The following MYO7B variants were observed in gnomAD, a reference collection of about 807,000 sequenced individuals.
MYO7B encodes the protein myosin VIIB, also known as unconventional myosin-VIIb.
Under a neutral mutation model 259.7 loss-of-function variants are expected in MYO7B, and 212 were observed. The ratio of observed to expected loss-of-function variants is 0.82; its 90% CI spans 0.73 to 0.91. MYO7B has a LOEUF of 0.91. Among genes scored for constraint, MYO7B ranks in the 40% least tolerant of loss-of-function variants. The pLI is 0.00. For missense variants in MYO7B, 2,732 were observed against 2,813.5 expected, an observed-to-expected ratio of 0.97 and a Z score of 0.66; for synonymous variants, 1,197 against 1,166.4, an observed-to-expected ratio of 1.03 and a Z score of -0.54.
chr2:127,598,878 A>G (rs765145867), intron 19 of MYO7B, among the ~76,000 whole-genome samples: 1 of 152,180 alleles, frequency 6.6e-6, no homozygotes, highest in Non-Finnish European at 1.5e-5. Flanking sequence ...ATCAAAACCT[A>G]GCGGTGTGGG....
At position 127,585,990 on chromosome 2, in the gene MYO7B, A is replaced by C. The variant is rs142566709; in HGVS notation, c.1690+1077A>C. Among the ~76,000 whole-genome samples the C allele has an allele frequency of 9.2e-5, 14 of 152,248 alleles. No individual in the cohort carries two copies. The East Asian group carries it at 1.9e-3, about 21-fold the overall frequency. On this transcript the variant is annotated intron_variant, in intron 14 of 47. Transcript: ENST00000409816. The surrounding 1 kb of genome is among the most constrained non-coding windows in gnomAD (Gnocchi z 4.3). ...TACAAGTACCTAATAGGTGATTTTAAATTTTTTTCTCATTCTGTGGATTGT... is the reference window on the plus strand; with the variant it reads ...TACAAGTACCTAATAGGTGATTTTACATTTTTTTCTCATTCTGTGGATTGT...
chr2:127,624,395 G>T, intron 30 of MYO7B, 75 bp downstream of exon 30: 4 of 1,358,212 alleles, frequency 2.9e-6, no homozygotes, highest in Non-Finnish European at 3.0e-6. Context: ...CACCCAACTG[G>T]CTTCTGAGGC....
chr2:127,593,027 A>AG (rs1349187747), intron 17 of MYO7B, 81 bp downstream of exon 17: 2 of 1,501,254 alleles, frequency 1.3e-6, no homozygotes, highest in East Asian at 5.0e-5. Context: ...CCCAGTACCG[A>AG]GGGGGTCTCC....
intron 1 of MYO7B, among the ~76,000 whole-genome samples, chr2:127,538,012 G>A (rs952965592): frequency 7.9e-5 from 12 of 152,180 alleles, no homozygotes; most frequent in African/African-American, 2.4e-4. Context: ...GCGAGGCTGC[G>A]AAGGAAAAGT....
intron 26 of MYO7B, 181 bp from the exon 27 acceptor site, chr2:127,620,159 G>A (rs1331999648): frequency 1.8e-5 from 11 of 604,236 alleles, no homozygotes; most frequent in Admixed American, 1.8e-4. Context: ...AATCGAGTAG[G>A]GATGCAGAGC....
Position 127,576,718 on chromosome 2 carries a change from C to G in MYO7B, c.849+10C>G, listed in dbSNP as rs1443515692. ...CCACTACCTGACCATGGTGAGCTGC[C>G]CACCTGCCGCCTCCCAGTAGCCAGT... On this transcript the variant is annotated intron_variant, in intron 8 of 47. Transcript: ENST00000409816. The surrounding 1 kb of genome is among the most constrained non-coding windows in gnomAD (Gnocchi z 4.9). 3.2e-6 allele frequency: 5 copies of G among 1,538,618 alleles called. No individual in the cohort carries two copies. In the East Asian group the frequency reaches 9.1e-5, roughly 28 times the overall value.
At chr2:127,623,177 G>C in intron 28 of MYO7B, 25 bp from the exon 29 acceptor site, 1 of 1,612,538 alleles carries the variant, frequency 6.2e-7, no homozygotes, top group Non-Finnish European at 8.5e-7. Context: ...AAGAGGCCAG[G>C]GAACTGAATC....
At chr2:127,545,323 G>A (rs907936768) in intron 1 of MYO7B, among the ~76,000 whole-genome samples, 2 of 152,234 alleles carry the variant, frequency 1.3e-5, no homozygotes, top group Non-Finnish European at 2.9e-5. Context: ...GCATGGGCAG[G>A]CAGGGTCATC....
At position 127,628,570 on chromosome 2, in the gene MYO7B, G is replaced by A. The variant is rs777877570; in HGVS notation, c.4624+35G>A. 3 of 1,300,164 alleles carry A rather than the reference G, an allele frequency of 2.3e-6. No individual in the cohort carries two copies. Among genetic ancestry groups the A allele is most frequent in the South Asian group, 2.7e-5 (2 of 74,218 alleles). The allele number at this position is 1,300,164 out of a possible 1,614,324, so 80.5% of individuals were successfully genotyped here. A position where few individuals can be genotyped will look rare whatever the true frequency, so the allele number is the denominator to read the frequency against. On this transcript the variant is annotated intron_variant, in intron 34 of 47. Transcript: ENST00000409816. This position sits in a 1 kb window ranked among gnomAD's most constrained non-coding sequence, Gnocchi z 4.8. ...TGGGTGGGGTGGGGTGGGGTGGGGT[G>A]GGGTGGGGGAGGGCCGCGCATGGGG...
At position 127,564,207 on chromosome 2, in the gene MYO7B, G is replaced by A. The variant is rs763642848; in HGVS notation, c.73G>A (p.Gly25Arg). ...PSTHKTGVAI[G>R]GIIKEAKPGK... Reference sequence around the variant, plus strand: ...CACCCACAAGACCGGCGTGGCCATCGGGGGCATCATCAAAGAGGCAAAGCC... The same window carrying A: ...CACCCACAAGACCGGCGTGGCCATCAGGGGCATCATCAAAGAGGCAAAGCC... The change falls in exon 3 of 48, where the codon GGG becomes AGG. Residue 25 changes from glycine (G) to arginine (R), a missense_variant. This residue lies in a region of MYO7B where 1,906 missense variants were observed against 2,026.4 expected (regional missense o/e 0.94). Coordinates refer to ENST00000409816, the MANE Select transcript of MYO7B (RefSeq NM_001393586.1). 9.5e-6 allele frequency: 15 copies of A among 1,579,402 alleles called. No homozygotes were observed. The highest frequency in any genetic ancestry group is 2.3e-5 in the South Asian group (2 of 85,970).
chr2:127,622,125 C>A, intron 28 of MYO7B, 24 bp downstream of exon 28: 2 of 1,542,820 alleles, frequency 1.3e-6, no homozygotes, highest in Non-Finnish European at 1.8e-6. Context: ...GGGGTGAGAG[C>A]GGGCAGGGTG....
In MYO7B at chr2:127,596,446, G is replaced by A. The variant is rs370847573; in HGVS notation, c.2245-16G>A. The A allele has an allele frequency of 1.1e-4, 174 of 1,603,872 alleles. No homozygotes were observed. Among genetic ancestry groups the A allele is most frequent in the Non-Finnish European group, 1.4e-4 (163 of 1,172,418 alleles). ...TGAGGGTGAGCAGCCCAGTGACGGC[G>A]TCTCTCCTGTTCCAGGATCATCAGG... is the stretch of plus-strand genomic sequence containing the variant. On this transcript the variant is annotated splice_polypyrimidine_tract_variant and intron_variant, in intron 18 of 47. Coordinates refer to ENST00000409816, the MANE Select transcript of MYO7B (RefSeq NM_001393586.1).
At position 127,585,825 on chromosome 2, in the gene MYO7B, T is replaced by C. The variant is rs1679283313; in HGVS notation, c.1690+912T>C. Among the ~76,000 whole-genome samples the C allele has an allele frequency of 6.6e-6, 1 of 152,226 alleles. No individual in the cohort carries two copies. ...TGCATCTGCATCCCCCGATGGCTAATGATGTTGATCGCCTTTTCATATGCT... is the reference window on the plus strand; with the variant it reads ...TGCATCTGCATCCCCCGATGGCTAACGATGTTGATCGCCTTTTCATATGCT... On this transcript the variant is annotated intron_variant, in intron 14 of 47. Coordinates refer to ENST00000409816, the MANE Select transcript of MYO7B (RefSeq NM_001393586.1). The surrounding 1 kb of genome is among the most constrained non-coding windows in gnomAD (Gnocchi z 4.3).
chr2:127,592,985 C>T (rs767928761), intron 17 of MYO7B, 39 bp downstream of exon 17: 2 of 1,482,198 alleles, frequency 1.3e-6, no homozygotes, highest in East Asian at 2.6e-5. Context: ...TGGCCATCCG[C>T]GGCCTTCCCC....
chr2:127,556,188 C>A (rs920505348), intron 1 of MYO7B, among the ~76,000 whole-genome samples: 2 of 152,136 alleles, frequency 1.3e-5, no homozygotes, highest in East Asian at 1.9e-4. Flanking sequence ...TGCTTTAAAG[C>A]TTGTTTTGTC....
rs900355030 is a variant in MYO7B, at chr2:127,608,768, C to G, written c.2704C>G (p.Arg902Gly). ...KSQGALPAKK[R>G]RSIYDTVTDT... ...CCAAGGCGCTCTCCCTGCCAAGAAG[C>G]GCAGATCCATCTACGACACCGTCAC... Residue 902 changes from arginine to glycine, a missense_variant, in exon 22 of 48, where the codon CGC (arginine) becomes GGC (glycine). Arg to Gly is a moderately radical substitution (Grantham distance 125). This residue lies in a region of MYO7B where 1,906 missense variants were observed against 2,026.4 expected (regional missense o/e 0.94). Transcript: ENST00000409816. The G allele has an allele frequency of 1.2e-6, 2 of 1,613,536 alleles. No homozygotes were observed. The highest frequency in any genetic ancestry group is 3.3e-5 in the Admixed American group (2 of 60,020).
At chr2:127,608,360 AAT>A (rs1414147013) in intron 21 of MYO7B, among the ~76,000 whole-genome samples, 1 of 151,952 alleles carries the variant, frequency 6.6e-6, no homozygotes, top group Non-Finnish European at 1.5e-5. Flanking sequence ...TTGCCCTTTG[AAT>A]AAAGGGACCA....
chr2:127,578,067 C>A, intron 8 of MYO7B, 66 bp from the exon 9 acceptor site: 1 of 1,589,718 alleles, frequency 6.3e-7, no homozygotes, highest in Non-Finnish European at 8.6e-7. Context: ...CTCAGCCTTG[C>A]TGGTCCCAGG....
At chr2:127,570,392 G>T (rs997882924) in intron 6 of MYO7B, among the ~76,000 whole-genome samples, 2 of 152,202 alleles carry the variant, frequency 1.3e-5, no homozygotes, top group Non-Finnish European at 2.9e-5. Flanking sequence ...AGCAGCTTGG[G>T]TCGGGAGAGG....
Sources: allele counts gnomAD v4.1 joint callset (sites outside exome capture counted in the v4.1 genomes callset), GRCh38; gene constraint gnomAD v4.1.1; regional missense constraint gnomAD v4.1.1; non-coding constraint Gnocchi (gnomAD v3.1); transcripts MANE v1.5; gene names NCBI Gene and HGNC (gene_info 2026-07-23, HGNC 2026-07-21).